Variants in EMG1 observed in about 807,000 individuals in gnomAD.
EMG1 encodes EMG1 N1-specific pseudouridine methyltransferase.
In EMG1, 24 loss-of-function variants were observed where a neutral mutation model predicts 26.9. That is an observed-to-expected ratio of 0.89 (90% CI 0.65 to 1.26). EMG1 has a LOEUF of 1.26. Among genes scored for constraint, EMG1 ranks in the 50% most tolerant of loss-of-function variants. EMG1 has a pLI of 0.00. For synonymous variants in EMG1, 140 were observed against 112.6 expected (o/e 1.24, Z -1.54); for missense variants, 299 against 307.6 (o/e 0.97, Z 0.21).
chr12:6,980,293 T>A (rs1411930509), downstream of EMG1, among the ~76,000 whole-genome samples: 1 of 152,116 alleles, frequency 6.6e-6, no homozygotes, highest in African/African-American at 2.4e-5. Flanking sequence ...TCCTCCTGCC[T>A]TGGCCTCCCA....
chr12:6,981,299 T>C (rs1178907609), downstream of EMG1: 9 of 829,088 alleles, frequency 1.1e-5, no homozygotes, highest in Non-Finnish European at 1.5e-5. Context: ...TAGCCTTCTC[T>C]TTGGGGGATG....
Position 6,976,903 on chromosome 12 carries a change from G to A in EMG1, c.*1094G>A. On this transcript the variant is annotated 3_prime_UTR_variant, in exon 6 of 6. Transcript: ENST00000599672. Reference sequence around the variant, plus strand: ...CCCGCACAGGCCACCTGCAAGACAAGAGGAGTTTGGAAGGCTGGTTAGTTA... The same window carrying A: ...CCCGCACAGGCCACCTGCAAGACAAAAGGAGTTTGGAAGGCTGGTTAGTTA... The A allele has an allele frequency of 2.1e-6, 1 of 475,260 alleles. No homozygotes were observed. The highest frequency in any genetic ancestry group is 2.4e-5 in the South Asian group (1 of 41,786). The allele number at this position is 475,260 out of a possible 1,614,324, so 29.4% of individuals were successfully genotyped here. A position where few individuals can be genotyped will look rare whatever the true frequency, so the allele number is the denominator to read the frequency against.
At chr12:6,991,401 T>C (rs1436095231), downstream of EMG1, among the ~76,000 whole-genome samples, 4 of 152,238 alleles carry the variant, frequency 2.6e-5, no homozygotes, top group African/African-American at 9.6e-5. Flanking sequence ...TGCATGACTT[T>C]GTAACATCAC....
At chr12:6,983,255 T>G (rs781977381), downstream of EMG1, 2 of 562,206 alleles carry the variant, frequency 3.6e-6, no homozygotes, top group African/African-American at 3.8e-5. Context: ...GACAGAAGAA[T>G]GTACATAAAA....
At chr12:6,991,110 C>T (rs1191918452), downstream of EMG1, among the ~76,000 whole-genome samples, 6 of 152,106 alleles carry the variant, frequency 3.9e-5, no homozygotes, top group African/African-American at 1.2e-4. Flanking sequence ...CACTGTTTTA[C>T]ATTTTCATAA....
At chr12:6,985,120 G>A (rs1475841911) in intron 6 of EMG1, among the ~76,000 whole-genome samples, 7 of 150,726 alleles carry the variant, frequency 4.6e-5, no homozygotes, top group African/African-American at 9.8e-5. Flanking sequence ...GGCTGGGCGC[G>A]GTGGCTCATG....
chr12:6,974,405 G>T lies in EMG1; in HGVS notation c.235G>T (p.Asp79Tyr), dbSNP rs1555152718. ...HKSILLKNGR[D>Y]PGEARPDITH... Reference sequence around the variant, plus strand: ...GTCTATATTGTTGAAGAATGGACGGGACCCTGGGGAAGCGCGGCCAGATAT... The same window carrying T: ...GTCTATATTGTTGAAGAATGGACGGTACCCTGGGGAAGCGCGGCCAGATAT... Residue 79 changes from aspartate to tyrosine, a missense_variant, in exon 2 of 6, where the codon GAC (aspartate) becomes TAC (tyrosine). Asp to Tyr is a radical substitution (Grantham distance 160). Coordinates refer to ENST00000599672, the MANE Select transcript of EMG1 (RefSeq NM_006331.8). The T allele has an allele frequency of 6.2e-7, 1 of 1,613,858 alleles. No homozygotes were observed. The highest frequency in any genetic ancestry group is 8.5e-7 in the Non-Finnish European group (1 of 1,179,818).
At chr12:6,982,831 C>T (rs1565598744), downstream of EMG1, 3 of 1,211,460 alleles carry the variant, frequency 2.5e-6, no homozygotes, top group Admixed American at 1.8e-5. Flanking sequence ...CTCCCACCGT[C>T]CTGAGACTTC....
At position 6,978,259 on chromosome 12, in the gene EMG1, G is replaced by T; in HGVS notation, c.*2450G>T. 1 of 1,487,680 alleles carries T rather than the reference G, an allele frequency of 6.7e-7. No individual in the cohort carries two copies. The highest frequency in any genetic ancestry group is 9.1e-7 in the Non-Finnish European group (1 of 1,102,260). 92.2% of individuals were successfully genotyped at this position (1,487,680 alleles called of 1,614,324 possible). Reference sequence around the variant, plus strand: ...CCAGATGGGAAAGACGCATAGGGGTGACATGGTACACCCCTGCCCTCCAAT... The same window carrying T: ...CCAGATGGGAAAGACGCATAGGGGTTACATGGTACACCCCTGCCCTCCAAT... On this transcript the variant is annotated 3_prime_UTR_variant, in exon 6 of 6. Coordinates refer to ENST00000599672, the MANE Select transcript of EMG1 (RefSeq NM_006331.8).
At chr12:6,992,211 C>T (rs1555155561), downstream of EMG1, among the ~76,000 whole-genome samples, 1 of 151,926 alleles carries the variant, frequency 6.6e-6, no homozygotes, top group Admixed American at 6.6e-5. Flanking sequence ...TGGTGCACAC[C>T]TGTAGCCTCA....
chr12:6,981,266 C>A, downstream of EMG1: 1 of 1,134,584 alleles, frequency 8.8e-7, no homozygotes, highest in Non-Finnish European at 1.3e-6. Flanking sequence ...ACCTGTGTGC[C>A]CCACTGACTG....
At chr12:6,997,414 T>C in exon 8 of EMG1, 1 of 154,682 alleles carries the variant, frequency 6.5e-6, no homozygotes, top group Non-Finnish European at 1.4e-5. Flanking sequence ...TGTGTGTGTG[T>C]GTGTGTGTGT....
At chr12:6,989,272 G>T (rs1946563633), downstream of EMG1, among the ~76,000 whole-genome samples, 1 of 151,664 alleles carries the variant, frequency 6.6e-6, no homozygotes, top group Admixed American at 6.6e-5. Context: ...ACTAGAATGG[G>T]ACCTTTATAA....
At chr12:6,982,980 CT>C (rs782602160), downstream of EMG1, 387 of 655,120 alleles carry the variant, frequency 5.9e-4, 1 homozygote, top group Non-Finnish European at 9.3e-4. Flanking sequence ...TATTTCTTTT[CT>C]TTTTTTGTTT....
chr12:6,985,207 C>T (rs782547002), intron 6 of EMG1, among the ~76,000 whole-genome samples: 253 of 150,290 alleles, frequency 1.7e-3, no homozygotes, highest in African/African-American at 4.5e-3. Context: ...CTGGCTAACA[C>T]GGTGAAACCC....
chr12:6,981,578 G>A (rs373317061), downstream of EMG1: 837 of 1,613,118 alleles, frequency 5.2e-4, no homozygotes, highest in Non-Finnish European at 6.7e-4. Context: ...CCTCTCTGCC[G>A]ATGAATGGGT....
chr12:6,986,213 CACTGCT>C (rs1406499581), intron 6 of EMG1, among the ~76,000 whole-genome samples: 2 of 152,182 alleles, frequency 1.3e-5, no homozygotes, highest in Non-Finnish European at 2.9e-5. Flanking sequence ...CTGCCTCTGC[CACTGCT>C]GAGATGGCAA....
chr12:6,982,897 GA>G, downstream of EMG1: 1 of 689,574 alleles, frequency 1.5e-6, no homozygotes, highest in Non-Finnish European at 2.6e-6. Flanking sequence ...TTTTTTTTCA[GA>G]ATAACCTCAT....
rs781224470 is a variant in EMG1 at position 6,996,088 on chromosome 12, C to T, written c.*212-1137C>T. Among the ~76,000 whole-genome samples, 396 of 152,300 alleles carry T rather than the reference C, an allele frequency of 2.6e-3. 2 individuals carry two copies. Among genetic ancestry groups the T allele is most frequent in the Non-Finnish European group, 4.0e-3 (272 of 68,038 alleles). The stretch of plus-strand genomic sequence containing the variant: ...CTCAGATCAAAAGGCTGATTGCCAG[C>T]ACCCGCAGGTTCTGTCCCTCTGCCC... On this transcript the variant is annotated intron_variant and NMD_transcript_variant, in intron 7 of 7. Coordinates refer to the EMG1 transcript ENST00000607161.
Sources: allele counts gnomAD v4.1 joint callset (sites outside exome capture counted in the v4.1 genomes callset), GRCh38; gene constraint gnomAD v4.1.1; transcripts MANE v1.5; gene names NCBI Gene and HGNC (gene_info 2026-07-23, HGNC 2026-07-21).